CSGALNACT1: variants seen among roughly 807,000 people sequenced by gnomAD.
CSGALNACT1 encodes the protein beta4GalNAcT-1.
Under a neutral mutation model 51.0 loss-of-function variants are expected in CSGALNACT1, and 52 were observed. That is an observed-to-expected ratio of 1.02 (90% CI 0.82 to 1.29). The LOEUF (loss-of-function observed/expected upper bound fraction) is 1.29. Among genes scored for constraint, CSGALNACT1 ranks in the 50% most tolerant of loss-of-function variants. CSGALNACT1 has a pLI of 0.00. For synonymous variants in CSGALNACT1, 341 were observed against 254.4 expected (o/e 1.34, Z -3.24); for missense variants, 935 against 679.2 (o/e 1.38, Z -4.19).
At chr8:19,612,604 A>G (rs2052420490) in intron 1 of CSGALNACT1, among the ~76,000 whole-genome samples, 1 of 151,996 alleles carries the variant, frequency 6.6e-6, no homozygotes, top group Non-Finnish European at 1.5e-5. Flanking sequence ...AGCACGCAAG[A>G]GTTAATTTGG....
At chr8:19,424,277 C>G (rs758057276) in intron 6 of CSGALNACT1, among the ~76,000 whole-genome samples, 1 of 152,156 alleles carries the variant, frequency 6.6e-6, no homozygotes, top group Non-Finnish European at 1.5e-5. Context: ...TGTCATCCAT[C>G]TGTGTTTCCC....
intron 3 of CSGALNACT1, among the ~76,000 whole-genome samples, chr8:19,568,251 C>T (rs138970417): frequency 0.03 from 4,583 of 152,240 alleles, 228 homozygotes; most frequent in African/African-American, 0.11. Flanking sequence ...ATGGTATAGC[C>T]TATTGCTCCT....
At chr8:19,623,205 G>A (rs970945979) in intron 1 of CSGALNACT1, among the ~76,000 whole-genome samples, 6 of 152,242 alleles carry the variant, frequency 3.9e-5, no homozygotes, top group African/African-American at 1.4e-4. Flanking sequence ...ACTGTCATCA[G>A]ATTGATATAG....
At chr8:19,522,668 C>G (rs1248379565) in intron 3 of CSGALNACT1, among the ~76,000 whole-genome samples, 1 of 152,212 alleles carries the variant, frequency 6.6e-6, no homozygotes, top group African/African-American at 2.4e-5. Flanking sequence ...CTGGGTACAC[C>G]TTGGTGAAGT....
rs577384063 is a variant in CSGALNACT1 at position 19,628,579 on chromosome 8, C to T, written c.-543-26714G>A. Among the ~76,000 whole-genome samples, 12 of 152,182 alleles carry T rather than the reference C, an allele frequency of 7.9e-5. No homozygotes were observed. The South Asian group carries it at 2.1e-3, about 26-fold the overall frequency. On this transcript the variant is annotated intron_variant, in intron 1 of 9. Coordinates refer to the CSGALNACT1 transcript ENST00000332246. ...AATTTAAGTGAATTGAGCAAGGACG[C>T]TGTTGCTAAGTAATAGAGGTAGGAT...
At chr8:19,605,340 G>A (rs1221938253), upstream of CSGALNACT1, among the ~76,000 whole-genome samples, 3 of 152,178 alleles carry the variant, frequency 2.0e-5, no homozygotes, top group South Asian at 4.1e-4. Flanking sequence ...GGAGACTGAG[G>A]CATGAGAATG....
intron 1 of CSGALNACT1, among the ~76,000 whole-genome samples, chr8:19,639,603 A>G (rs2056506882): frequency 6.6e-6 from 1 of 152,184 alleles, no homozygotes; most frequent in Non-Finnish European, 1.5e-5. Context: ...ATGAATATTG[A>G]AAACTATGTA....
chr8:19,656,456 T>C (rs921004591), intron 1 of CSGALNACT1, among the ~76,000 whole-genome samples: 4 of 151,998 alleles, frequency 2.6e-5, no homozygotes, highest in African/African-American at 7.3e-5. Context: ...AAACTTTCTA[T>C]AGAGGAACCC....
At chr8:19,731,461 T>A (rs1450966310) in intron 1 of CSGALNACT1, among the ~76,000 whole-genome samples, 2 of 151,776 alleles carry the variant, frequency 1.3e-5, no homozygotes, top group African/African-American at 4.8e-5. Context: ...TGAGCCGAGA[T>A]TACACCACTG....
At position 19,475,346 on chromosome 8, in the gene CSGALNACT1, G is replaced by A. The variant is rs982085037; in HGVS notation, c.635-16704C>T. On this transcript the variant is annotated intron_variant, in intron 4 of 9. Transcript: ENST00000454498. ...AGGAGGTCTCACCATTTGCCACCAC[G>A]AGGGTTTTGGGGTCTGTTTGGATCT... Among the ~76,000 whole-genome samples, 5 of 152,180 alleles carry A rather than the reference G, an allele frequency of 3.3e-5. No individual in the cohort carries two copies. In the South Asian group the frequency reaches 8.3e-4, roughly 25 times the overall value.
rs149310350 is a variant in CSGALNACT1 at position 19,623,014 on chromosome 8, T to A, written c.-543-21149A>T. On this transcript the variant is annotated intron_variant, in intron 1 of 9. Coordinates refer to the CSGALNACT1 transcript ENST00000332246. ...CCACCCTGGCACATGTATACGTAGG[T>A]AACAAACCTGCACATTCCACACATG... Among the ~76,000 whole-genome samples, 18 of 152,258 alleles carry A rather than the reference T, an allele frequency of 1.2e-4. No homozygotes were observed. The East Asian group carries it at 3.5e-3, about 29-fold the overall frequency.
intron 1 of CSGALNACT1, among the ~76,000 whole-genome samples, chr8:19,661,151 T>C (rs988634524): frequency 6.6e-6 from 1 of 151,984 alleles, no homozygotes; most frequent in Non-Finnish European, 1.5e-5. Context: ...CCTGACCTTG[T>C]GATCTGCCCA....
chr8:19,431,893 C>T (rs1055452549), intron 6 of CSGALNACT1, among the ~76,000 whole-genome samples: 1 of 151,914 alleles, frequency 6.6e-6, no homozygotes, highest in African/African-American at 2.4e-5. Context: ...CCTCTCCATT[C>T]CTGTGCTGTT....
chr8:19,554,782 G>C (rs558908395), intron 3 of CSGALNACT1, among the ~76,000 whole-genome samples: 1 of 152,142 alleles, frequency 6.6e-6, no homozygotes, highest in Admixed American at 6.5e-5. Flanking sequence ...GCTGGGTGTG[G>C]TGGCACACAC....
chr8:19,598,696 G>C (rs2049518505), intron 2 of CSGALNACT1, among the ~76,000 whole-genome samples: 1 of 152,156 alleles, frequency 6.6e-6, no homozygotes, highest in African/African-American at 2.4e-5. Context: ...GCTCCAGAAG[G>C]AGCTGGATCA....
chr8:19,419,790 A>G (rs1307557067), intron 7 of CSGALNACT1, among the ~76,000 whole-genome samples: 1 of 152,182 alleles, frequency 6.6e-6, no homozygotes, highest in Admixed American at 6.5e-5. Flanking sequence ...ATGGTGGCTG[A>G]CAGGCCCATG....
intron 1 of CSGALNACT1, among the ~76,000 whole-genome samples, chr8:19,656,434 G>C (rs577960937): frequency 3.0e-4 from 46 of 152,118 alleles, no homozygotes; most frequent in Admixed American, 1.6e-3. Flanking sequence ...AAGAAACTTA[G>C]CAGTAGCAAA....
chr8:19,590,319 C>G (rs115445211), intron 3 of CSGALNACT1, among the ~76,000 whole-genome samples: 2 of 152,158 alleles, frequency 1.3e-5, no homozygotes, highest in African/African-American at 4.8e-5. Context: ...TGTGGCAGAA[C>G]GTAGTAATAG....
chr8:19,464,025 T>C (rs2066124811), intron 4 of CSGALNACT1, among the ~76,000 whole-genome samples: 1 of 152,196 alleles, frequency 6.6e-6, no homozygotes, highest in African/African-American at 2.4e-5. Context: ...CTGACTCAGA[T>C]TCCCCGCCCC....
Sources: gnomAD v4.1 joint callset for allele counts (sites outside exome capture counted in the v4.1 genomes callset) on GRCh38, gnomAD v4.1.1 for gene constraint, MANE v1.5 for transcripts, NCBI Gene and HGNC (gene_info 2026-07-23, HGNC 2026-07-21) for gene names.